Variants in GPHN observed in about 807,000 individuals in gnomAD.
GPHN encodes the protein gephyrin.
Under a neutral mutation model 95.5 loss-of-function variants are expected in GPHN, and 17 were observed. The observed-to-expected ratio is 0.18, with a 90% CI of 0.12 to 0.27. The LOEUF (loss-of-function observed/expected upper bound fraction) is 0.27. Ranked by LOEUF, GPHN falls within the 10% of genes least tolerant of loss-of-function variation. GPHN has a pLI of 1.00. For synonymous variants in GPHN, 320 were observed against 322.5 expected, an observed-to-expected ratio of 0.99 and a Z score of 0.08; for missense variants, 660 against 978.1, an observed-to-expected ratio of 0.67 and a Z score of 4.34.
chr14:67,312,976 G>A, the GPHN span, among the ~76,000 whole-genome samples: 20 of 152,092 alleles, frequency 1.3e-4, no homozygotes, highest in Middle Eastern at 6.8e-3. Context: ...TAAGATGACC[G>A]TATTATCGAG....
At chr14:66,601,980 C>T (rs1242462643) in intron 1 of GPHN, among the ~76,000 whole-genome samples, 1 of 151,832 alleles carries the variant, frequency 6.6e-6, no homozygotes, top group Admixed American at 6.6e-5. Context: ...ATTTGGTGTC[C>T]TTGTAACTGG....
chr14:66,846,222 CA>C (rs2062332288), intron 4 of GPHN, among the ~76,000 whole-genome samples: 1 of 152,092 alleles, frequency 6.6e-6, no homozygotes, highest in Non-Finnish European at 1.5e-5. Flanking sequence ...AACTATCAAA[CA>C]CAGAAAATTG....
the GPHN span, among the ~76,000 whole-genome samples, chr14:67,297,759 C>A: frequency 6.6e-6 from 1 of 152,152 alleles, no homozygotes; most frequent in Non-Finnish European, 1.5e-5. Flanking sequence ...GACTTCCTAT[C>A]CTCTCTTCCT....
chr14:66,545,729 C>T (rs536856362), intron 1 of GPHN, among the ~76,000 whole-genome samples: 11 of 132,762 alleles, frequency 8.3e-5, no homozygotes, highest in Admixed American at 1.5e-4. Context: ...GCTGGCCGGG[C>T]GGGGGGCTGA....
At chr14:67,066,732 C>G (rs2076072861) in intron 11 of GPHN, among the ~76,000 whole-genome samples, 1 of 152,152 alleles carries the variant, frequency 6.6e-6, no homozygotes, top group East Asian at 1.9e-4. Flanking sequence ...GCTATTGAAG[C>G]TAGTGCATGC....
chr14:66,615,424 T>A (rs1277112958), intron 1 of GPHN, among the ~76,000 whole-genome samples: 1 of 151,856 alleles, frequency 6.6e-6, no homozygotes, highest in African/African-American at 2.4e-5. Flanking sequence ...TGAGATGGTA[T>A]CTCATTGTGG....
chr14:67,532,467 T>A, the GPHN span, among the ~76,000 whole-genome samples: 1 of 152,144 alleles, frequency 6.6e-6, no homozygotes, highest in African/African-American at 2.4e-5. Flanking sequence ...CCCCTCTGGG[T>A]ATGAGATTGC....
chr14:67,354,664 T>C, the GPHN span, among the ~76,000 whole-genome samples: 1 of 152,202 alleles, frequency 6.6e-6, no homozygotes, highest in South Asian at 2.1e-4. Flanking sequence ...GTCTTATTTA[T>C]GCAAAGTAAG....
At chr14:66,539,601 A>AC (rs2059279528) in intron 1 of GPHN, among the ~76,000 whole-genome samples, 1 of 121,962 alleles carries the variant, frequency 8.2e-6, no homozygotes, top group African/African-American at 4.7e-5. Flanking sequence ...TTTGGTAGAG[A>AC]CGGGTGTTGG....
At chr14:66,915,044 A>C (rs1246765286) in intron 5 of GPHN, among the ~76,000 whole-genome samples, 2 of 152,122 alleles carry the variant, frequency 1.3e-5, no homozygotes, top group Non-Finnish European at 1.5e-5. Context: ...GTGATTCAGT[A>C]AACATTTTCA....
At chr14:66,808,090 G>C (rs892777417) in intron 3 of GPHN, among the ~76,000 whole-genome samples, 2 of 152,170 alleles carry the variant, frequency 1.3e-5, no homozygotes, top group African/African-American at 4.8e-5. Context: ...AATGTAAATA[G>C]TGACAGCAAA....
At chr14:67,700,850 C>T in the GPHN span, among the ~76,000 whole-genome samples, 1 of 151,638 alleles carries the variant, frequency 6.6e-6, no homozygotes, top group South Asian at 2.1e-4. Context: ...AATGATGAAA[C>T]TCTGTCTCTA....
At chr14:67,579,238 T>C in the GPHN span, 3 of 1,609,464 alleles carry the variant, frequency 1.9e-6, no homozygotes, top group Admixed American at 5.1e-5. Flanking sequence ...GTGGTGTCCA[T>C]CCTGCTGCGT....
intron 12 of GPHN, among the ~76,000 whole-genome samples, chr14:67,095,594 C>A: frequency 6.6e-6 from 1 of 152,200 alleles, no homozygotes; most frequent in East Asian, 1.9e-4. Context: ...GAATACTATG[C>A]AGCCATAAAA....
intron 1 of GPHN, among the ~76,000 whole-genome samples, chr14:66,680,757 C>CT (rs1482966306): frequency 2.0e-5 from 3 of 152,060 alleles, no homozygotes; most frequent in Non-Finnish European, 2.9e-5. Context: ...TAGTTTGTCT[C>CT]TTTTTTTCCT....
At chr14:67,056,149 C>T (rs922939999) in intron 10 of GPHN, among the ~76,000 whole-genome samples, 1 of 152,262 alleles carries the variant, frequency 6.6e-6, no homozygotes, top group Non-Finnish European at 1.5e-5. Flanking sequence ...CTTTTATTCC[C>T]TTATCTGACC....
At chr14:66,979,131 C>A (rs1393183668) in intron 9 of GPHN, among the ~76,000 whole-genome samples, 1 of 152,162 alleles carries the variant, frequency 6.6e-6, no homozygotes, top group Non-Finnish European at 1.5e-5. Flanking sequence ...TTGCATAATT[C>A]TTAAAGGCCA....
chr14:66,886,013 T>C, intron 5 of GPHN, among the ~76,000 whole-genome samples: 1 of 151,882 alleles, frequency 6.6e-6, no homozygotes, highest in East Asian at 1.9e-4. Context: ...GAAGATGAAA[T>C]GGAGAACTTA....
the GPHN span, among the ~76,000 whole-genome samples, chr14:67,268,133 C>G: frequency 6.6e-6 from 1 of 152,276 alleles, no homozygotes; most frequent in South Asian, 2.1e-4. Flanking sequence ...GTATGTTTAA[C>G]TTTTTAAGAA....
Sources: gnomAD v4.1 joint callset for allele counts (sites outside exome capture counted in the v4.1 genomes callset) on GRCh38, gnomAD v4.1.1 for gene constraint, MANE v1.5 for transcripts, NCBI Gene and HGNC (gene_info 2026-07-23, HGNC 2026-07-21) for gene names.